The following NDRG2 variants were observed in gnomAD, a reference collection of about 807,000 sequenced individuals.
NDRG2 encodes the protein protein NDRG2.
In NDRG2, 34 loss-of-function variants were observed where a neutral mutation model predicts 58.2. The observed-to-expected ratio is 0.58, with a 90% confidence interval of 0.44 to 0.78. The LOEUF (loss-of-function observed/expected upper bound fraction) is 0.78, where lower values mean the gene tolerates loss of function less well. Ranked by LOEUF, NDRG2 falls within the 30% of genes least tolerant of loss-of-function variation. NDRG2 has a pLI of 0.00. For missense variants in NDRG2, 434 were observed against 471.2 expected, an observed-to-expected ratio of 0.92 and a Z score of 0.73; for synonymous variants, 187 against 175.9, an observed-to-expected ratio of 1.06 and a Z score of -0.50.
chr14:21,062,492 G>T (rs1337436098), intron 1 of NDRG2, among the ~76,000 whole-genome samples: 2 of 152,110 alleles, frequency 1.3e-5, no homozygotes, highest in Non-Finnish European at 2.9e-5. Context: ...TTATATCCTA[G>T]AAAAACTGAG....
rs1885796076 is a variant in NDRG2, at chr14:21,058,676, T to C, written c.24+12152A>G. On this transcript the variant is annotated intron_variant, in intron 1 of 14. Coordinates refer to the NDRG2 transcript ENST00000403829. Reference sequence around the variant, plus strand: ...AAGACCCTCTTAAAGAAAAAGAATATAAAATTACAAACGTAAATAAGTCAG... The same window carrying C: ...AAGACCCTCTTAAAGAAAAAGAATACAAAATTACAAACGTAAATAAGTCAG... Among the ~76,000 whole-genome samples the C allele has an allele frequency of 2.0e-5, 3 of 152,048 alleles. No individual in the cohort carries two copies. In the East Asian group the frequency reaches 5.8e-4, roughly 29 times the overall value.
chr14:21,067,891 A>G (rs190869819), intron 1 of NDRG2, among the ~76,000 whole-genome samples: 1 of 151,970 alleles, frequency 6.6e-6, no homozygotes, highest in Non-Finnish European at 1.5e-5. Flanking sequence ...CACAGATTTT[A>G]AAACTCCTGG....
chr14:21,064,058 C>T (rs148416196), intron 1 of NDRG2, among the ~76,000 whole-genome samples: 1 of 152,296 alleles, frequency 6.6e-6, no homozygotes, highest in Non-Finnish European at 1.5e-5. Flanking sequence ...TGTTTCATGA[C>T]CCCTGCCCTC....
intron 1 of NDRG2, among the ~76,000 whole-genome samples, chr14:21,041,734 G>A (rs1884905051): frequency 6.6e-6 from 1 of 152,368 alleles, no homozygotes; most frequent in Middle Eastern, 3.4e-3. Flanking sequence ...ATTGAGAGGT[G>A]TTGGCTGCCT....
chr14:21,045,010 T>C (rs1024159416), intron 1 of NDRG2, among the ~76,000 whole-genome samples: 1 of 152,204 alleles, frequency 6.6e-6, no homozygotes, highest in African/African-American at 2.4e-5. Flanking sequence ...CCAAATAGGA[T>C]TCCAGGTAAA....
chr14:21,031,967 G>T, intron 1 of NDRG2: 1 of 1,614,218 alleles, frequency 6.2e-7, no homozygotes, highest in South Asian at 1.1e-5. Context: ...GGAGCGCTTT[G>T]ATGAGAGTGG....
At position 21,018,753 on chromosome 14, in the gene NDRG2, C is replaced by T. The variant is rs753627128; in HGVS notation, c.813+10G>A. On this transcript the variant is annotated intron_variant, in intron 12 of 15. Coordinates refer to ENST00000556147, the MANE Select transcript of NDRG2 (RefSeq NM_001320329.2). ...CTCCTCCCTCACTCACCCCAAAATT[C>T]CCTACTAACCACTGCATCTTCATGA... The T allele has an allele frequency of 2.5e-6, 4 of 1,614,018 alleles. No homozygotes were observed. The African/African-American group carries it at 5.3e-5, about 22-fold the overall frequency.
At chr14:21,032,997 C>T (rs1322659847) in intron 1 of NDRG2, 1 of 455,774 alleles carries the variant, frequency 2.2e-6, no homozygotes, top group Non-Finnish European at 4.4e-6. Flanking sequence ...CATTCGCTGC[C>T]TGGTCAGGGG....
At position 21,019,642 on chromosome 14, in the gene NDRG2, T is replaced by C. The variant is rs1378449974; in HGVS notation, c.713A>G (p.Asn238Ser). ...CATACACACACAGCCCACCCACTTG[T>C]TGTAGCTGTTCCAGTACAATTCAAT... ...DNIELYWNSY[N>S]NRRDLNFERG... Residue 238 changes from asparagine to serine, a missense_variant, in exon 10 of 16, where the codon AAC (asparagine) becomes AGC (serine). Physicochemically the swap from Asn to Ser is conservative, Grantham distance 46. Transcript: ENST00000556147. 1.9e-6 allele frequency: 3 copies of C among 1,606,258 alleles called. No individual in the cohort carries two copies. Among genetic ancestry groups the C allele is most frequent in the Non-Finnish European group, 2.6e-6 (3 of 1,173,498 alleles).
chr14:21,061,077 T>C (rs976184724), intron 1 of NDRG2, among the ~76,000 whole-genome samples: 9 of 152,212 alleles, frequency 5.9e-5, no homozygotes, highest in Admixed American at 2.6e-4. Flanking sequence ...CATACGAAAC[T>C]ATCAAGTAAT....
intron 1 of NDRG2, chr14:21,032,177 CTCTG>C: frequency 7.8e-7 from 1 of 1,275,328 alleles, no homozygotes; most frequent in African/African-American, 1.5e-5. Flanking sequence ...CAGCCAAAAT[CTCTG>C]TCTGTGAGGG....
intron 1 of NDRG2, chr14:21,036,257 T>A (rs1385238014): frequency 2.2e-6 from 1 of 456,140 alleles, no homozygotes; most frequent in East Asian, 6.9e-5. Flanking sequence ...CTCAAATATA[T>A]CTCTTATACA....
intron 1 of NDRG2, among the ~76,000 whole-genome samples, chr14:21,048,896 C>T (rs1885333745): frequency 6.6e-6 from 1 of 152,004 alleles, no homozygotes; most frequent in Non-Finnish European, 1.5e-5. Flanking sequence ...CAAGGTCAGA[C>T]AAAAAGGACA....
intron 1 of NDRG2, chr14:21,033,176 G>A (rs1207060802): frequency 5.4e-6 from 2 of 367,180 alleles, no homozygotes; most frequent in Admixed American, 3.7e-5. Context: ...ACGGTTGTTG[G>A]GAGTGTGGGG....
chr14:21,018,324 C>A (rs117662786), intron 13 of NDRG2, 85 bp from the exon 14 acceptor site: 28,521 of 1,604,354 alleles, frequency 0.018, 315 homozygotes, highest in Middle Eastern at 0.026. Context: ...TCTTCCCTAG[C>A]TTCTTCACTC....
rs138392234 is a variant in NDRG2, at chr14:21,038,279, T to C, written c.25-14958A>G. On this transcript the variant is annotated intron_variant, in intron 1 of 14. Transcript: ENST00000403829. ...AAGTTGAATCAGTTAGGGTCACTTA[T>C]ATGCAAGGCATTATGCTATATACTG... 4.7e-3 allele frequency among the ~76,000 whole-genome samples: 720 copies of C among 152,330 alleles called. 5 individuals carry two copies. The highest frequency in any genetic ancestry group is 0.02 in the Middle Eastern group (6 of 294).
rs1877340160 is a variant in NDRG2, at chr14:21,017,465, A to C, written c.*131T>G. 9.7e-7 allele frequency: 1 copy of C among 1,031,342 alleles called. No homozygotes were observed. The highest frequency in any genetic ancestry group is 1.6e-5 in the African/African-American group (1 of 61,636). The allele number at this position is 1,031,342 out of a possible 1,614,324, so 63.9% of individuals were successfully genotyped here. A position where few individuals can be genotyped will look rare whatever the true frequency, so the allele number is the denominator to read the frequency against. On this transcript the variant is annotated 3_prime_UTR_variant, in exon 16 of 16. Transcript: ENST00000556147. The stretch of plus-strand genomic sequence containing the variant: ...GTCAAGGTTAGGGTAGCAATCAAAG[A>C]TCAAGGTCATCTCCCCGCATGATCT...
upstream of NDRG2, chr14:21,025,784 T>G: frequency 1.3e-6 from 1 of 789,156 alleles, no homozygotes; most frequent in Non-Finnish European, 1.5e-6. The surrounding 1 kb of genome is among the most constrained non-coding windows in gnomAD (Gnocchi z 5.1). Flanking sequence ...CCGCTATAAA[T>G]AGAGGGCGAT....
intron 1 of NDRG2, chr14:21,057,798 G>T (rs1025668097): frequency 5.3e-5 from 57 of 1,065,934 alleles, no homozygotes; most frequent in Middle Eastern, 2.9e-4. Flanking sequence ...CTGGCTTAGG[G>T]TATGAAATTC....
Sources: gnomAD v4.1 joint callset for allele counts (sites outside exome capture counted in the v4.1 genomes callset) on GRCh38, gnomAD v4.1.1 for gene constraint, Gnocchi (gnomAD v3.1) non-coding constraint, MANE v1.5 for transcripts, NCBI Gene and HGNC (gene_info 2026-07-23, HGNC 2026-07-21) for gene names.